Variants in DLGAP2 observed in about 807,000 individuals in gnomAD.
DLGAP2 encodes the protein disks large-associated protein 2.
In DLGAP2, 26 loss-of-function variants were observed where a neutral mutation model predicts 100.3. The ratio of observed to expected loss-of-function variants is 0.26; its 90% CI spans 0.19 to 0.36. The LOEUF (loss-of-function observed/expected upper bound fraction) is 0.36. Among genes scored for constraint, DLGAP2 ranks in the 10% least tolerant of loss-of-function variants. The pLI, the probability that DLGAP2 is intolerant of heterozygous loss-of-function variation, is 1.00. For synonymous variants in DLGAP2, 886 were observed against 630.1 expected, an observed-to-expected ratio of 1.41 and a Z score of -6.08; for missense variants, 1,858 against 1,453.2, an observed-to-expected ratio of 1.28 and a Z score of -4.53.
chr8:1,573,182 G>C lies in DLGAP2; in HGVS notation c.1442+7288G>C, dbSNP rs544280869. ...GGGTAATCTGATGAGATGGAGATGA[G>C]AGAGGGTGAAGTGTCAGGGGCATCT... On this transcript the variant is annotated intron_variant, in intron 6 of 14. Transcript: ENST00000637795. Among the ~76,000 whole-genome samples the C allele has an allele frequency of 5.3e-4, 72 of 136,806 alleles. 1 individual carries two copies. Among genetic ancestry groups the C allele is most frequent in the African/African-American group, 2.0e-3 (67 of 34,272 alleles). The allele number at this position is 136,806 out of a possible 152,430, so 89.8% of individuals were successfully genotyped here.
intron 2 of DLGAP2, among the ~76,000 whole-genome samples, chr8:978,988 C>G (rs1042744232): frequency 2.0e-5 from 3 of 152,114 alleles, no homozygotes; most frequent in Non-Finnish European, 2.9e-5. Context: ...GTGAGAGACC[C>G]TGTTAGGAAG....
chr8:1,287,287 T>TGTGGG (rs1799947106), intron 3 of DLGAP2, among the ~76,000 whole-genome samples: 5 of 86,470 alleles, frequency 5.8e-5, no homozygotes, highest in East Asian at 5.7e-4. Context: ...TGTGTGGTTG[T>TGTGGG]TAGGAGGGGA....
At chr8:1,390,765 C>G (rs983932984) in intron 3 of DLGAP2, among the ~76,000 whole-genome samples, 2 of 152,192 alleles carry the variant, frequency 1.3e-5, no homozygotes, top group Non-Finnish European at 2.9e-5. Context: ...TGGATTTCAG[C>G]TCAACCCTCT....
intron 2 of DLGAP2, among the ~76,000 whole-genome samples, chr8:1,069,564 T>C (rs948128136): frequency 1.3e-5 from 2 of 152,196 alleles, no homozygotes; most frequent in Admixed American, 6.5e-5. Flanking sequence ...GAGTCCGAGC[T>C]TTACTGTCCC....
chr8:1,604,871 A>G (rs902913767), intron 6 of DLGAP2: 4 of 152,240 alleles, frequency 2.6e-5, no homozygotes, highest in South Asian at 2.1e-4. Flanking sequence ...AGGCAGAATC[A>G]TAGCTTCTCT....
At chr8:993,745 C>T (rs184768009) in intron 2 of DLGAP2, among the ~76,000 whole-genome samples, 1 of 145,196 alleles carries the variant, frequency 6.9e-6, no homozygotes, top group Non-Finnish European at 1.5e-5. Flanking sequence ...GAGCAGTTCT[C>T]TAGATGCAGA....
intron 7 of DLGAP2, among the ~76,000 whole-genome samples, chr8:1,629,078 G>C (rs1355543887): frequency 6.6e-6 from 1 of 152,204 alleles, no homozygotes; most frequent in African/African-American, 2.4e-5. Flanking sequence ...TGAGCTCTTG[G>C]TAGCTTGCCT....
intron 8 of DLGAP2, among the ~76,000 whole-genome samples, chr8:1,634,350 C>T (rs1285596114): frequency 6.6e-6 from 1 of 152,232 alleles, no homozygotes; most frequent in African/African-American, 2.4e-5. Context: ...GATCCTGGCT[C>T]TCTGGCTCCC....
At chr8:1,447,142 G>T (rs1798003789) in intron 3 of DLGAP2, among the ~76,000 whole-genome samples, 2 of 152,230 alleles carry the variant, frequency 1.3e-5, no homozygotes, top group South Asian at 4.1e-4. Flanking sequence ...GAATAGGAGT[G>T]GTGAGAGAGG....
At chr8:985,410 A>G (rs1476658654) in intron 2 of DLGAP2, among the ~76,000 whole-genome samples, 6 of 152,240 alleles carry the variant, frequency 3.9e-5, no homozygotes, top group African/African-American at 7.2e-5. Context: ...AACAAGGGCC[A>G]TGACAACCAC....
At chr8:759,052 C>CGA (rs1820994827) in intron 1 of DLGAP2, among the ~76,000 whole-genome samples, 1 of 149,282 alleles carries the variant, frequency 6.7e-6, no homozygotes, top group African/African-American at 2.5e-5. Context: ...TCAATACCCC[C>CGA]CACAACCTTC....
At chr8:1,140,573 C>A (rs1469088471) in intron 2 of DLGAP2, among the ~76,000 whole-genome samples, 1 of 152,098 alleles carries the variant, frequency 6.6e-6, no homozygotes, top group Non-Finnish European at 1.5e-5. Context: ...TTATCAGAGG[C>A]CCCATAGGGC....
chr8:1,461,349 C>T (rs1180308797), intron 3 of DLGAP2, among the ~76,000 whole-genome samples: 1 of 58,676 alleles, frequency 1.7e-5, no homozygotes, highest in Non-Finnish European at 3.1e-5. Context: ...GCTGCTGTCA[C>T]GTGGGCTGGG....
At chr8:1,467,049 G>A (rs950959230) in intron 3 of DLGAP2, among the ~76,000 whole-genome samples, 12 of 143,266 alleles carry the variant, frequency 8.4e-5, no homozygotes, top group African/African-American at 3.0e-4. Flanking sequence ...TTTGCCGGGT[G>A]ATAAAGAAGA....
intron 2 of DLGAP2, among the ~76,000 whole-genome samples, chr8:1,153,194 G>A (rs1468321102): frequency 1.3e-5 from 2 of 152,140 alleles, no homozygotes; most frequent in African/African-American, 4.8e-5. Flanking sequence ...GGTGTGGCAG[G>A]CAGAGTGGTT....
At chr8:1,017,948 C>T (rs909640643) in intron 2 of DLGAP2, among the ~76,000 whole-genome samples, 1 of 152,218 alleles carries the variant, frequency 6.6e-6, no homozygotes, top group African/African-American at 2.4e-5. Context: ...GTGCTTGGGG[C>T]CACTTTCCTA....
At chr8:1,001,397 C>T (rs968790828) in intron 2 of DLGAP2, among the ~76,000 whole-genome samples, 4 of 152,124 alleles carry the variant, frequency 2.6e-5, no homozygotes, top group Admixed American at 2.6e-4. Flanking sequence ...CTTTTTAGGC[C>T]AACATTTTGA....
chr8:1,646,598 A>G (rs1798046008), intron 8 of DLGAP2, among the ~76,000 whole-genome samples: 1 of 152,218 alleles, frequency 6.6e-6, no homozygotes, highest in East Asian at 1.9e-4. Flanking sequence ...ACACTGGAAA[A>G]CAATTTGAAA....
At chr8:1,162,318 T>A (rs540142959) in intron 2 of DLGAP2, among the ~76,000 whole-genome samples, 94 of 152,346 alleles carry the variant, frequency 6.2e-4, no homozygotes, top group Non-Finnish European at 1.1e-3. Flanking sequence ...ATTACATGTT[T>A]GTTTCTAGCC....
Sources: gnomAD v4.1 joint callset for allele counts (sites outside exome capture counted in the v4.1 genomes callset) on GRCh38, gnomAD v4.1.1 for gene constraint, MANE v1.5 for transcripts, NCBI Gene and HGNC (gene_info 2026-07-23, HGNC 2026-07-21) for gene names.